The following LRRC4C variants were observed in gnomAD, a reference collection of about 807,000 sequenced individuals.
The protein encoded by LRRC4C is leucine rich repeat containing 4C, also known as leucine-rich repeat-containing protein 4C.
A neutral mutation model predicts 33.6 loss-of-function variants in LRRC4C; 5 were observed. The observed-to-expected ratio is 0.15, with a 90% CI of 0.08 to 0.31. The LOEUF (loss-of-function observed/expected upper bound fraction) is 0.31. Among genes scored for constraint, LRRC4C ranks in the 10% least tolerant of loss-of-function variants. The pLI is 1.00. For synonymous variants in LRRC4C, 329 were observed against 302.0 expected, an observed-to-expected ratio of 1.09 and a Z score of -0.93; for missense variants, 560 against 796.7, an observed-to-expected ratio of 0.70 and a Z score of 3.58.
chr11:40,623,854 G>C (rs977678361), intron 3 of LRRC4C, among the ~76,000 whole-genome samples: 1 of 151,944 alleles, frequency 6.6e-6, no homozygotes, highest in Admixed American at 6.6e-5. Context: ...TATCTCAACA[G>C]AATCAGTTAA....
intron 1 of LRRC4C, among the ~76,000 whole-genome samples, chr11:41,210,092 G>C (rs562000692): frequency 2.6e-5 from 4 of 152,136 alleles, no homozygotes; most frequent in Non-Finnish European, 5.9e-5. Context: ...CTTGGTTTTT[G>C]ATTTCCAGCC....
chr11:41,083,327 G>C lies in LRRC4C; in HGVS notation c.-495-149604C>G, dbSNP rs895670479. Among the ~76,000 whole-genome samples the C allele has an allele frequency of 4.6e-5, 7 of 152,028 alleles. No homozygotes were observed. The East Asian group carries it at 9.7e-4, about 21-fold the overall frequency. On this transcript the variant is annotated intron_variant, in intron 1 of 6. Transcript: ENST00000528697. ...ATGCGAGTTACCCATACACTAGCAG[G>C]TAACAGGGGAATTATTTCTTGAAAT...
intron 1 of LRRC4C, among the ~76,000 whole-genome samples, chr11:41,222,286 G>C (rs561510955): frequency 2.0e-5 from 3 of 152,278 alleles, no homozygotes; most frequent in Admixed American, 6.5e-5. Flanking sequence ...CTTAACAGCT[G>C]GTGATAGGCA....
chr11:40,135,566 T>C (rs12275090), intron 6 of LRRC4C, among the ~76,000 whole-genome samples: 1,739 of 152,306 alleles, frequency 0.011, 30 homozygotes, highest in African/African-American at 0.04. Context: ...GGTATCATAA[T>C]GGGATAAGAA....
At chr11:40,587,322 T>C (rs1958803608) in intron 3 of LRRC4C, among the ~76,000 whole-genome samples, 1 of 141,680 alleles carries the variant, frequency 7.1e-6, no homozygotes, top group African/African-American at 2.6e-5. Flanking sequence ...TGTACATTGA[T>C]TTTGTATCCT....
chr11:40,726,199 T>A (rs1323836685), intron 2 of LRRC4C, among the ~76,000 whole-genome samples: 3 of 151,830 alleles, frequency 2.0e-5, no homozygotes, highest in African/African-American at 7.3e-5. Flanking sequence ...CCATGTGGAT[T>A]CATAGCCAAA....
At chr11:41,427,217 G>A (rs1337185243) in intron 1 of LRRC4C, among the ~76,000 whole-genome samples, 1 of 152,020 alleles carries the variant, frequency 6.6e-6, no homozygotes, top group African/African-American at 2.4e-5. Context: ...TGTTCTTAGA[G>A]TTCTGGAAGT....
intron 1 of LRRC4C, among the ~76,000 whole-genome samples, chr11:41,341,159 T>G: frequency 6.6e-6 from 1 of 151,376 alleles, no homozygotes; most frequent in East Asian, 1.9e-4. Flanking sequence ...AGTAATAGTG[T>G]GTTAGGTGAG....
At chr11:40,959,651 A>T (rs1448051546) in intron 1 of LRRC4C, among the ~76,000 whole-genome samples, 2 of 151,706 alleles carry the variant, frequency 1.3e-5, no homozygotes, top group African/African-American at 4.8e-5. Flanking sequence ...TTCCCAGATT[A>T]TTGCCCTTCC....
chr11:40,221,555 G>A (rs965935453), intron 5 of LRRC4C, among the ~76,000 whole-genome samples: 13 of 152,096 alleles, frequency 8.5e-5, no homozygotes, highest in African/African-American at 2.2e-4. Flanking sequence ...TAATACTAAC[G>A]GAGGAGACCA....
At chr11:41,392,319 A>G (rs1348579027) in intron 1 of LRRC4C, among the ~76,000 whole-genome samples, 1 of 151,804 alleles carries the variant, frequency 6.6e-6, no homozygotes, top group Non-Finnish European at 1.5e-5. Flanking sequence ...CTGTAGATTA[A>G]CTGTTTTTGT....
In LRRC4C at chr11:40,263,586, C is replaced by T. The variant is rs117361322; in HGVS notation, c.-175-21988G>A. On this transcript the variant is annotated intron_variant, in intron 4 of 6. Coordinates refer to ENST00000528697, the MANE Select transcript of LRRC4C (RefSeq NM_001258419.2). ...CCCAAGCTGGACTCAAATTCCTGGGCTCAAGAGATCCTCCCATCTTAATCT... is the reference window on the plus strand; with the variant it reads ...CCCAAGCTGGACTCAAATTCCTGGGTTCAAGAGATCCTCCCATCTTAATCT... 2.7e-3 allele frequency among the ~76,000 whole-genome samples: 416 copies of T among 152,228 alleles called. 5 individuals carry two copies. Among genetic ancestry groups the T allele is most frequent in the East Asian group, 0.026 (135 of 5,170 alleles).
intron 3 of LRRC4C, among the ~76,000 whole-genome samples, chr11:40,426,035 A>G (rs576193064): frequency 4.1e-5 from 6 of 145,114 alleles, no homozygotes; most frequent in Admixed American, 1.4e-4. Context: ...TTTTTTTGAG[A>G]CAGAGTCTCG....
chr11:40,947,169 T>C (rs1342015231), intron 1 of LRRC4C, among the ~76,000 whole-genome samples: 2 of 152,162 alleles, frequency 1.3e-5, no homozygotes, highest in Non-Finnish European at 2.9e-5. Flanking sequence ...ATTATACATC[T>C]TAATCATGTA....
chr11:40,900,617 C>T (rs1956158922), intron 2 of LRRC4C, among the ~76,000 whole-genome samples: 3 of 151,674 alleles, frequency 2.0e-5, no homozygotes, highest in Admixed American at 2.0e-4. Context: ...AATGACAATG[C>T]TAATATTTAT....
At chr11:41,450,434 G>T (rs1481302695) in intron 1 of LRRC4C, among the ~76,000 whole-genome samples, 1 of 152,128 alleles carries the variant, frequency 6.6e-6, no homozygotes, top group Admixed American at 6.6e-5. Flanking sequence ...ATAGAAAAAA[G>T]TAACTGTTTC....
chr11:40,499,481 T>C (rs916607000), intron 3 of LRRC4C, among the ~76,000 whole-genome samples: 3 of 152,086 alleles, frequency 2.0e-5, no homozygotes, highest in African/African-American at 7.2e-5. Context: ...TCACAGTCCA[T>C]AGTACATTCA....
intron 2 of LRRC4C, among the ~76,000 whole-genome samples, chr11:40,931,329 C>T (rs1486597101): frequency 1.3e-5 from 2 of 152,110 alleles, no homozygotes; most frequent in South Asian, 4.1e-4. Flanking sequence ...GTAGAAAAGG[C>T]TTTTATTTTC....
At chr11:40,570,087 C>G (rs1957922487) in intron 3 of LRRC4C, among the ~76,000 whole-genome samples, 2 of 151,736 alleles carry the variant, frequency 1.3e-5, no homozygotes, top group Non-Finnish European at 2.9e-5. Flanking sequence ...TAAACATACA[C>G]ATGTATACAT....
Sources: allele counts gnomAD v4.1 joint callset (sites outside exome capture counted in the v4.1 genomes callset), GRCh38; gene constraint gnomAD v4.1.1; transcripts MANE v1.5; gene names NCBI Gene and HGNC (gene_info 2026-07-23, HGNC 2026-07-21).